ADCY2: variants seen among roughly 807,000 people sequenced by gnomAD.
ADCY2 encodes the protein adenylate cyclase type 2.
A neutral mutation model predicts 125.2 loss-of-function variants in ADCY2; 31 were observed. The observed-to-expected ratio is 0.25, with a 90% CI of 0.19 to 0.33. The LOEUF is 0.33. Among genes scored for constraint, ADCY2 ranks in the 10% least tolerant of loss-of-function variants. The probability of loss-of-function intolerance (pLI) is 1.00; values close to 1 mark genes in which losing one functional copy is unlikely to be tolerated. For synonymous variants in ADCY2, 512 were observed against 548.4 expected (o/e 0.93, Z 0.93); for missense variants, 904 against 1,418.2 (o/e 0.64, Z 5.82).
chr5:7,587,566 C>A (rs1736674003), intron 3 of ADCY2, among the ~76,000 whole-genome samples: 2 of 152,322 alleles, frequency 1.3e-5, no homozygotes, highest in South Asian at 4.1e-4. Flanking sequence ...TTCTAGGGAA[C>A]AGGTGGGATT....
intron 16 of ADCY2, among the ~76,000 whole-genome samples, chr5:7,760,087 A>G (rs913504455): frequency 1.3e-5 from 2 of 152,246 alleles, no homozygotes; most frequent in African/African-American, 2.4e-5. Context: ...AGCTCTCTGC[A>G]TAGGCAATTT....
chr5:7,702,181 C>T (rs1294705642), intron 7 of ADCY2, among the ~76,000 whole-genome samples: 1 of 150,170 alleles, frequency 6.7e-6, no homozygotes, highest in Non-Finnish European at 1.5e-5. Context: ...CACCTGAGGT[C>T]AGGAGCTTGA....
At chr5:7,491,008 A>G (rs1056472815) in intron 2 of ADCY2, among the ~76,000 whole-genome samples, 2 of 152,224 alleles carry the variant, frequency 1.3e-5, no homozygotes, top group Admixed American at 6.5e-5. Flanking sequence ...CATGCTCCTT[A>G]CAATTAAAAT....
chr5:7,741,745 A>C (rs1323997336), intron 14 of ADCY2, among the ~76,000 whole-genome samples: 4 of 142,162 alleles, frequency 2.8e-5, no homozygotes, highest in South Asian at 2.3e-4. Flanking sequence ...CATCACCATC[A>C]CCATCACCAT....
intron 2 of ADCY2, among the ~76,000 whole-genome samples, chr5:7,431,769 CA>C (rs1327894540): frequency 6.6e-6 from 1 of 152,032 alleles, no homozygotes; most frequent in East Asian, 1.9e-4. Flanking sequence ...GCAAAACCTT[CA>C]AAAAATACTT....
intron 6 of ADCY2, among the ~76,000 whole-genome samples, chr5:7,697,051 A>G (rs1278454971): frequency 6.6e-6 from 1 of 151,710 alleles, no homozygotes; most frequent in Non-Finnish European, 1.5e-5. Flanking sequence ...CATAACTCCA[A>G]TGTTCAGATG....
At chr5:7,513,918 C>T (rs1255237069) in intron 2 of ADCY2, among the ~76,000 whole-genome samples, 2 of 152,116 alleles carry the variant, frequency 1.3e-5, no homozygotes, top group Admixed American at 6.6e-5. Flanking sequence ...ATGTTATTTC[C>T]TTTAATGTTA....
At chr5:7,619,242 T>C (rs1479589327) in intron 3 of ADCY2, among the ~76,000 whole-genome samples, 2 of 152,230 alleles carry the variant, frequency 1.3e-5, no homozygotes, top group Admixed American at 1.3e-4. Flanking sequence ...GTGTTTCGGC[T>C]GTCTGGACAG....
intron 2 of ADCY2, among the ~76,000 whole-genome samples, chr5:7,488,028 ATAAAAGT>A (rs1428917102): frequency 6.6e-6 from 1 of 152,214 alleles, no homozygotes; most frequent in East Asian, 1.9e-4. Context: ...GATATTAATC[ATAAAAGT>A]TAAAAGTAAC....
chr5:7,518,834 C>T (rs974437720), intron 2 of ADCY2, among the ~76,000 whole-genome samples: 3 of 152,306 alleles, frequency 2.0e-5, no homozygotes, highest in Admixed American at 2.0e-4. Flanking sequence ...TCTCAGGACG[C>T]AGACTGTGAG....
chr5:7,403,238 GAAAT>G (rs1375605257), intron 1 of ADCY2, among the ~76,000 whole-genome samples: 1 of 152,036 alleles, frequency 6.6e-6, no homozygotes, highest in Non-Finnish European at 1.5e-5. Context: ...CATTATGAAA[GAAAT>G]AAAATTGTAG....
At chr5:7,606,116 A>T (rs1737366200) in intron 3 of ADCY2, among the ~76,000 whole-genome samples, 4 of 151,826 alleles carry the variant, frequency 2.6e-5, no homozygotes, top group Admixed American at 2.6e-4. Context: ...GATTACATTT[A>T]TTGATTTGCG....
At chr5:7,535,258 G>C (rs993445518) in intron 3 of ADCY2, among the ~76,000 whole-genome samples, 2 of 152,158 alleles carry the variant, frequency 1.3e-5, no homozygotes, top group Non-Finnish European at 2.9e-5. Context: ...GGCCAGGCTG[G>C]TCTTGAACTC....
intron 3 of ADCY2, among the ~76,000 whole-genome samples, chr5:7,553,604 T>C (rs941489559): frequency 1.3e-5 from 2 of 152,118 alleles, no homozygotes; most frequent in African/African-American, 2.4e-5. Flanking sequence ...GGGTAATGAT[T>C]TTGAGAGAAG....
At chr5:7,762,193 C>T (rs1743244860) in intron 16 of ADCY2, among the ~76,000 whole-genome samples, 1 of 152,182 alleles carries the variant, frequency 6.6e-6, no homozygotes, top group Non-Finnish European at 1.5e-5. Context: ...TGTGTTGATA[C>T]CTGGTGCCAT....
intron 10 of ADCY2, among the ~76,000 whole-genome samples, chr5:7,710,386 C>T (rs1461058491): frequency 6.6e-6 from 1 of 152,046 alleles, no homozygotes; most frequent in African/African-American, 2.4e-5. Flanking sequence ...AAAGGAGGGA[C>T]CATAGATAGA....
chr5:7,601,397 C>A (rs1228919170), intron 3 of ADCY2, among the ~76,000 whole-genome samples: 1 of 152,142 alleles, frequency 6.6e-6, no homozygotes, highest in East Asian at 1.9e-4. Context: ...CTGTACAGGG[C>A]AAAAGTCAGT....
At chr5:7,614,483 C>G (rs1473710531) in intron 3 of ADCY2, among the ~76,000 whole-genome samples, 10 of 152,178 alleles carry the variant, frequency 6.6e-5, no homozygotes, top group Non-Finnish European at 1.5e-4. Context: ...AGACTCAAAC[C>G]TAATTCCTGG....
intron 5 of ADCY2, chr5:7,692,366 A>G (rs1009795010): frequency 1.3e-5 from 2 of 152,222 alleles, no homozygotes; most frequent in African/African-American, 4.8e-5. Flanking sequence ...TAGGAAACTC[A>G]TATCAGGAAG....
Sources: gnomAD v4.1 joint callset for allele counts (sites outside exome capture counted in the v4.1 genomes callset) on GRCh38, gnomAD v4.1.1 for gene constraint, MANE v1.5 for transcripts, NCBI Gene and HGNC (gene_info 2026-07-23, HGNC 2026-07-21) for gene names.